SPAG16: variants seen among roughly 807,000 people sequenced by gnomAD.
SPAG16 encodes sperm associated antigen 16, also known as sperm-associated antigen 16 protein.
In SPAG16, 86 loss-of-function variants were observed where a neutral mutation model predicts 80.4. The ratio of observed to expected loss-of-function variants is 1.07; its 90% CI spans 0.90 to 1.28. SPAG16 has a LOEUF of 1.28. Among genes scored for constraint, SPAG16 ranks in the 50% most tolerant of loss-of-function variants. The probability of loss-of-function intolerance (pLI) is 0.00; values close to 1 mark genes in which losing one functional copy is unlikely to be tolerated. For missense variants in SPAG16, 870 were observed against 765.3 expected, an observed-to-expected ratio of 1.14 and a Z score of -1.61; for synonymous variants, 294 against 265.9, an observed-to-expected ratio of 1.11 and a Z score of -1.03.
intron 14 of SPAG16, among the ~76,000 whole-genome samples, chr2:214,136,626 T>A (rs914196857): frequency 1.3e-5 from 2 of 152,194 alleles, no homozygotes; most frequent in Admixed American, 6.5e-5. Flanking sequence ...TACAAACTTA[T>A]CCACATCTTT....
intron 11 of SPAG16, among the ~76,000 whole-genome samples, chr2:213,906,402 G>T (rs1354153692): frequency 1.3e-5 from 2 of 152,170 alleles, no homozygotes; most frequent in African/African-American, 2.4e-5. Flanking sequence ...TCATGCTCAT[G>T]GATGGGAAGA....
At chr2:213,932,439 C>T (rs967584499) in intron 12 of SPAG16, among the ~76,000 whole-genome samples, 2 of 151,918 alleles carry the variant, frequency 1.3e-5, no homozygotes, top group African/African-American at 4.8e-5. Context: ...TGGTCTCAAG[C>T]TTCTAAGTGT....
chr2:213,520,088 G>GAGCA (rs2075602228), intron 10 of SPAG16, among the ~76,000 whole-genome samples: 2 of 144,594 alleles, frequency 1.4e-5, no homozygotes, highest in South Asian at 4.2e-4. Context: ...GCAAGAGCAA[G>GAGCA]AGAGAGAGAG....
intron 10 of SPAG16, among the ~76,000 whole-genome samples, chr2:213,499,660 A>G (rs1370589872): frequency 2.6e-5 from 4 of 152,200 alleles, no homozygotes; most frequent in Non-Finnish European, 4.4e-5. Context: ...ACTCATTATC[A>G]TAACCATAAC....
At chr2:213,632,028 G>A (rs1173228267) in intron 10 of SPAG16, among the ~76,000 whole-genome samples, 1 of 151,800 alleles carries the variant, frequency 6.6e-6, no homozygotes, top group African/African-American at 2.4e-5. Context: ...GAATGTAATT[G>A]GTATTTTCGT....
chr2:213,423,034 A>G (rs1435561413), intron 9 of SPAG16, among the ~76,000 whole-genome samples: 2 of 152,176 alleles, frequency 1.3e-5, no homozygotes, highest in Non-Finnish European at 2.9e-5. Flanking sequence ...CTTGTCTTTT[A>G]TTGACTTATT....
chr2:213,980,729 G>T (rs2372107), intron 12 of SPAG16, among the ~76,000 whole-genome samples: 44,211 of 84,390 alleles, frequency 0.52, 10,557 homozygotes, highest in Middle Eastern at 0.63. Flanking sequence ...TATATATAGA[G>T]AGAGAGAGAG....
At chr2:213,822,319 T>G (rs1019731172) in intron 10 of SPAG16, among the ~76,000 whole-genome samples, 2 of 152,216 alleles carry the variant, frequency 1.3e-5, no homozygotes, top group African/African-American at 4.8e-5. Flanking sequence ...GTTTGCCATT[T>G]GTATATCTTC....
chr2:213,655,171 A>G (rs1461647101), intron 10 of SPAG16, among the ~76,000 whole-genome samples: 1 of 152,208 alleles, frequency 6.6e-6, no homozygotes, highest in Non-Finnish European at 1.5e-5. Context: ...ATTGTAACAA[A>G]TGTACCATTC....
At chr2:213,882,308 C>T (rs1240867625) in intron 11 of SPAG16, among the ~76,000 whole-genome samples, 3 of 151,972 alleles carry the variant, frequency 2.0e-5, no homozygotes, top group Non-Finnish European at 2.9e-5. Context: ...ATTTTTGTTT[C>T]TCTGCCATGT....
intron 10 of SPAG16, among the ~76,000 whole-genome samples, chr2:213,536,752 G>T: frequency 6.6e-6 from 1 of 152,070 alleles, no homozygotes; most frequent in East Asian, 1.9e-4. Flanking sequence ...TGAGTAGGTT[G>T]CGAAAATTTT....
At position 213,375,027 on chromosome 2, in the gene SPAG16, A is replaced by G; in HGVS notation, c.850A>G (p.Lys284Glu). The G allele has an allele frequency of 6.2e-7, 1 of 1,606,574 alleles. No individual in the cohort carries two copies. Among genetic ancestry groups the G allele is most frequent in the Non-Finnish European group, 8.5e-7 (1 of 1,177,032 alleles). The change falls in exon 9 of 16, where the codon AAA becomes GAA. Residue 284 changes from lysine (K) to glutamate (E), a missense_variant. Transcript: ENST00000331683. ...PQIKVDHSRE[K>E]ENAPEGPTQK... ...TCTTGTAGTTGATCATAGTCGTGAA[A>G]AAGAAAATGCACCAGAAGGTCCTAC... is the stretch of plus-strand genomic sequence containing the variant.
chr2:213,628,909 A>C (rs1029431060), intron 10 of SPAG16, among the ~76,000 whole-genome samples: 2 of 152,190 alleles, frequency 1.3e-5, no homozygotes, highest in Non-Finnish European at 2.9e-5. Context: ...TGTTGTTTGT[A>C]TTAAGCACTA....
intron 14 of SPAG16, among the ~76,000 whole-genome samples, chr2:214,140,481 G>T (rs902812596): frequency 1.3e-5 from 2 of 151,946 alleles, no homozygotes; most frequent in Non-Finnish European, 2.9e-5. Flanking sequence ...TTTTGAAGGG[G>T]TGGTAAAATG....
chr2:214,196,011 AT>A (rs912724107), intron 15 of SPAG16, among the ~76,000 whole-genome samples: 2 of 151,984 alleles, frequency 1.3e-5, no homozygotes, highest in Admixed American at 1.3e-4. Flanking sequence ...CCTTAGAAAA[AT>A]GTTCAAAATA....
chr2:213,927,466 A>G (rs954735203), intron 11 of SPAG16, among the ~76,000 whole-genome samples: 9 of 151,986 alleles, frequency 5.9e-5, no homozygotes, highest in East Asian at 1.9e-4. Flanking sequence ...TTATTTTTTC[A>G]TGAACCAAAG....
chr2:213,692,668 G>T (rs543607678), intron 10 of SPAG16, among the ~76,000 whole-genome samples: 1 of 152,000 alleles, frequency 6.6e-6, no homozygotes, highest in Non-Finnish European at 1.5e-5. Flanking sequence ...AAATTAGCCC[G>T]CCATGGTGGC....
chr2:213,718,729 G>A (rs886309684), intron 10 of SPAG16, among the ~76,000 whole-genome samples: 3 of 152,182 alleles, frequency 2.0e-5, no homozygotes, highest in African/African-American at 4.8e-5. Flanking sequence ...GCCTTCCCGC[G>A]GGGCAGGGCT....
intron 5 of SPAG16, among the ~76,000 whole-genome samples, chr2:213,330,836 T>C (rs1476938573): frequency 6.6e-6 from 1 of 152,176 alleles, no homozygotes; most frequent in Non-Finnish European, 1.5e-5. Context: ...CAGGTCTTTC[T>C]CGTGCTGTTC....
Sources: allele counts gnomAD v4.1 joint callset (sites outside exome capture counted in the v4.1 genomes callset), GRCh38; gene constraint gnomAD v4.1.1; transcripts MANE v1.5; gene names NCBI Gene and HGNC (gene_info 2026-07-23, HGNC 2026-07-21).